The following ADCY8 variants were observed in gnomAD, a reference collection of about 807,000 sequenced individuals.
ADCY8 encodes adenylate cyclase 8, also known as adenylate cyclase type 8.
Under a neutral mutation model 119.7 loss-of-function variants are expected in ADCY8, and 51 were observed. That is an observed-to-expected ratio of 0.43 (90% confidence interval 0.34 to 0.54). ADCY8 has a LOEUF of 0.54. ADCY8 is among the 20% of genes least tolerant of loss of function. The pLI is 0.03. For synonymous variants in ADCY8, 665 were observed against 651.0 expected (o/e 1.02, Z -0.33); for missense variants, 1,383 against 1,598.8 (o/e 0.87, Z 2.30).
chr8:130,850,366 C>T (rs1366618055), intron 9 of ADCY8, among the ~76,000 whole-genome samples: 2 of 152,132 alleles, frequency 1.3e-5, no homozygotes, highest in African/African-American at 4.8e-5. Context: ...GAGTTTCAAA[C>T]TCTCATCAAA....
At chr8:130,909,039 A>ACCAT (rs1554615207) in intron 6 of ADCY8, among the ~76,000 whole-genome samples, 31 of 63,966 alleles carry the variant, frequency 4.8e-4, no homozygotes, top group African/African-American at 1.1e-3. Context: ...CCATCCATCC[A>ACCAT]CCATCCATCC....
intron 1 of ADCY8, among the ~76,000 whole-genome samples, chr8:131,036,952 G>T (rs927924178): frequency 6.6e-6 from 1 of 152,152 alleles, no homozygotes; most frequent in Non-Finnish European, 1.5e-5. Flanking sequence ...GTGTTTAGCA[G>T]GTTTTGAGCA....
chr8:131,001,322 G>T (rs1168713806), intron 1 of ADCY8, among the ~76,000 whole-genome samples: 2 of 152,064 alleles, frequency 1.3e-5, no homozygotes, highest in Non-Finnish European at 1.5e-5. Flanking sequence ...GGGTGGGGAA[G>T]CTTCCTACTA....
rs1215904656 is a variant in ADCY8, at chr8:131,002,505, G to T, written c.961-11963C>A. 5.9e-5 allele frequency among the ~76,000 whole-genome samples: 9 copies of T among 152,170 alleles called. 1 individual carries two copies. The highest frequency in any genetic ancestry group is 2.2e-4 in the African/African-American group (9 of 41,434). On this transcript the variant is annotated intron_variant, in intron 1 of 17. Coordinates refer to ENST00000286355, the MANE Select transcript of ADCY8 (RefSeq NM_001115.3). ...ACCAACATCCTCTGCCAGGGTCGTG[G>T]GCTTTTCCCACAGCTGTTGGCTCTG...
chr8:130,801,566 A>C (rs969100954), intron 14 of ADCY8, among the ~76,000 whole-genome samples: 3 of 152,130 alleles, frequency 2.0e-5, no homozygotes, highest in African/African-American at 7.2e-5. Flanking sequence ...CTCTTCTAAG[A>C]AAAAGAACAA....
intron 12 of ADCY8, among the ~76,000 whole-genome samples, chr8:130,827,224 C>T (rs1242339698): frequency 6.6e-6 from 1 of 152,102 alleles, no homozygotes; most frequent in African/African-American, 2.4e-5. Context: ...TGAAGAGCAT[C>T]CCCAAATTAT....
intron 5 of ADCY8, among the ~76,000 whole-genome samples, chr8:130,928,993 A>G (rs1820552412): frequency 6.6e-6 from 1 of 151,980 alleles, no homozygotes; most frequent in African/African-American, 2.4e-5. Flanking sequence ...AAGATTTTCT[A>G]TTTCTTCATA....
At chr8:130,870,482 C>T (rs374464712) in intron 8 of ADCY8, among the ~76,000 whole-genome samples, 297 of 152,208 alleles carry the variant, frequency 2.0e-3, no homozygotes, top group African/African-American at 6.2e-3. Flanking sequence ...GATTATCATC[C>T]GATGACCTTC....
Position 130,991,999 on chromosome 8 carries a change from T to A in ADCY8, c.961-1457A>T, listed in dbSNP as rs374631607. Among the ~76,000 whole-genome samples the A allele has an allele frequency of 1.5e-4, 23 of 151,684 alleles. No homozygotes were observed. The South Asian group carries it at 4.8e-3, about 32-fold the overall frequency. ...ATAGATGACGGAAGAATCAGTAAAT[T>A]TGGAAATAGGCCAATAGAATATAAC... On this transcript the variant is annotated intron_variant, in intron 1 of 17. Coordinates refer to ENST00000286355, the MANE Select transcript of ADCY8 (RefSeq NM_001115.3).
intron 11 of ADCY8, among the ~76,000 whole-genome samples, chr8:130,837,329 C>G (rs975056978): frequency 6.6e-6 from 1 of 152,172 alleles, no homozygotes; most frequent in African/African-American, 2.4e-5. Context: ...ATTCTCTAAA[C>G]CCTTCTCCCA....
At chr8:130,913,316 C>A (rs1820035309) in intron 5 of ADCY8, among the ~76,000 whole-genome samples, 2 of 152,016 alleles carry the variant, frequency 1.3e-5, no homozygotes, top group East Asian at 1.9e-4. Flanking sequence ...ACCCATTAAC[C>A]ATCCCCACCT....
At chr8:130,927,826 C>A (rs1820517584) in intron 5 of ADCY8, among the ~76,000 whole-genome samples, 1 of 152,138 alleles carries the variant, frequency 6.6e-6, no homozygotes, top group Admixed American at 6.5e-5. Context: ...TAGCTGGGAC[C>A]TCCAGTACCT....
At chr8:130,957,550 A>C (rs1821467839) in intron 2 of ADCY8, among the ~76,000 whole-genome samples, 1 of 152,202 alleles carries the variant, frequency 6.6e-6, no homozygotes. Context: ...AGTAACGAGG[A>C]GCTGAATGTT....
chr8:130,802,849 C>G (rs1453111992), intron 14 of ADCY8, among the ~76,000 whole-genome samples: 1 of 152,230 alleles, frequency 6.6e-6, no homozygotes, highest in Non-Finnish European at 1.5e-5. Context: ...CCCTCAGAAG[C>G]AGCACTTGAC....
chr8:130,936,368 C>A (rs1212311464), intron 5 of ADCY8, among the ~76,000 whole-genome samples: 1 of 152,174 alleles, frequency 6.6e-6, no homozygotes, highest in East Asian at 1.9e-4. Context: ...ACCCTGGTGG[C>A]AGCCTTCTAG....
chr8:130,860,418 T>C (rs752707871), intron 9 of ADCY8, among the ~76,000 whole-genome samples: 2 of 152,214 alleles, frequency 1.3e-5, no homozygotes, highest in African/African-American at 4.8e-5. Flanking sequence ...AAGTCTGACT[T>C]ACAATTTTTT....
At chr8:130,937,027 C>T (rs368913815) in intron 5 of ADCY8, 46 bp downstream of exon 5, 42 of 1,574,280 alleles carry the variant, frequency 2.7e-5, no homozygotes, top group Middle Eastern at 1.7e-4. Context: ...GGCCTGTGAT[C>T]GTGCACATTG....
At chr8:130,910,231 C>T (rs977615808) in intron 5 of ADCY8, among the ~76,000 whole-genome samples, 2 of 152,158 alleles carry the variant, frequency 1.3e-5, no homozygotes, top group African/African-American at 4.8e-5. Context: ...TTTATCTGTA[C>T]TTTTAAGGGC....
At chr8:130,970,148 C>T (rs1355953675) in intron 2 of ADCY8, among the ~76,000 whole-genome samples, 3 of 152,132 alleles carry the variant, frequency 2.0e-5, no homozygotes, top group African/African-American at 7.2e-5. Flanking sequence ...GATCAGCAGT[C>T]CCCAGTTCCT....
Sources: allele counts gnomAD v4.1 joint callset (sites outside exome capture counted in the v4.1 genomes callset), GRCh38; gene constraint gnomAD v4.1.1; transcripts MANE v1.5; gene names NCBI Gene and HGNC (gene_info 2026-07-23, HGNC 2026-07-21).